DPP10: variants seen among roughly 807,000 people sequenced by gnomAD.
DPP10 encodes inactive dipeptidyl peptidase 10.
In DPP10, 33 loss-of-function variants were observed where a neutral mutation model predicts 120.9. The observed-to-expected ratio is 0.27, with a 90% CI of 0.21 to 0.37. The LOEUF (loss-of-function observed/expected upper bound fraction) is 0.37, where lower values mean the gene tolerates loss of function less well. DPP10 is among the 10% of genes least tolerant of loss of function. The pLI is 1.00. For synonymous variants in DPP10, 337 were observed against 326.1 expected (o/e 1.03, Z -0.36); for missense variants, 816 against 942.8 (o/e 0.87, Z 1.76).
chr2:114,578,675 A>C (rs1192379499), intron 1 of DPP10, among the ~76,000 whole-genome samples: 2 of 152,202 alleles, frequency 1.3e-5, no homozygotes, highest in Non-Finnish European at 2.9e-5. Context: ...ATAGAGATCA[A>C]TTATAAATTG....
intron 1 of DPP10, among the ~76,000 whole-genome samples, chr2:115,180,393 G>T (rs576784111): frequency 1.3e-5 from 2 of 151,934 alleles, no homozygotes; most frequent in Non-Finnish European, 2.9e-5. Flanking sequence ...TTACATATTC[G>T]TACCTAAAAT....
At chr2:115,690,893 C>T (rs1299590007) in intron 7 of DPP10, among the ~76,000 whole-genome samples, 3 of 152,108 alleles carry the variant, frequency 2.0e-5, no homozygotes, top group East Asian at 1.9e-4. Context: ...ATAATGAGAG[C>T]GTTCCCTTGG....
intron 4 of DPP10, among the ~76,000 whole-genome samples, chr2:115,511,443 T>A (rs1265478653): frequency 2.0e-5 from 3 of 152,068 alleles, no homozygotes; most frequent in Admixed American, 6.6e-5. Flanking sequence ...TTTAGTAATT[T>A]GAATCTTGTT....
At chr2:115,400,861 C>T (rs1027171971) in intron 3 of DPP10, among the ~76,000 whole-genome samples, 3 of 152,170 alleles carry the variant, frequency 2.0e-5, no homozygotes, top group African/African-American at 4.8e-5. Flanking sequence ...TTTGTAACAG[C>T]GGGCATTGAA....
chr2:114,551,787 C>A (rs1407820993), intron 1 of DPP10, among the ~76,000 whole-genome samples: 1 of 152,208 alleles, frequency 6.6e-6, no homozygotes, highest in Non-Finnish European at 1.5e-5. Context: ...TACCTCCCTT[C>A]TTCCCAGTTT....
intron 1 of DPP10, among the ~76,000 whole-genome samples, chr2:114,934,383 G>T (rs749773652): frequency 6.6e-6 from 1 of 152,084 alleles, no homozygotes; most frequent in Non-Finnish European, 1.5e-5. Flanking sequence ...CTAGAGAGAA[G>T]AGAAAAGAAA....
At chr2:115,079,395 T>G (rs1031737228) in intron 1 of DPP10, among the ~76,000 whole-genome samples, 2 of 91,264 alleles carry the variant, frequency 2.2e-5, no homozygotes, top group Admixed American at 1.1e-4. Context: ...AAAAAGAAAA[T>G]CCTTAAAAAA....
intron 1 of DPP10, among the ~76,000 whole-genome samples, chr2:114,689,088 T>C (rs1018188875): frequency 2.0e-5 from 3 of 151,874 alleles, no homozygotes; most frequent in Admixed American, 2.0e-4. Context: ...CAACTGTTAT[T>C]TTAAGTTCAG....
chr2:115,472,088 G>T (rs1264114767), intron 3 of DPP10, among the ~76,000 whole-genome samples: 2 of 151,852 alleles, frequency 1.3e-5, no homozygotes, highest in African/African-American at 4.8e-5. Flanking sequence ...AATTCTCCTG[G>T]CTGTGTTGTG....
At chr2:114,664,292 G>A (rs150082573) in intron 1 of DPP10, among the ~76,000 whole-genome samples, 192 of 151,852 alleles carry the variant, frequency 1.3e-3, no homozygotes, top group South Asian at 5.0e-3. Flanking sequence ...AAGCAGAAGA[G>A]TCATAACCCT....
intron 3 of DPP10, among the ~76,000 whole-genome samples, chr2:115,495,289 A>G (rs2076332250): frequency 1.5e-5 from 2 of 137,160 alleles, no homozygotes; most frequent in Non-Finnish European, 3.1e-5. Flanking sequence ...TCTTGAAGTG[A>G]GTTGTTTGAT....
intron 1 of DPP10, among the ~76,000 whole-genome samples, chr2:114,731,728 A>G (rs1676934059): frequency 6.6e-6 from 1 of 152,194 alleles, no homozygotes; most frequent in Non-Finnish European, 1.5e-5. Context: ...CAGAAGCAGT[A>G]TATTACTCAC....
intron 1 of DPP10, among the ~76,000 whole-genome samples, chr2:115,255,076 C>T (rs906158932): frequency 6.6e-6 from 1 of 152,168 alleles, no homozygotes; most frequent in African/African-American, 2.4e-5. Context: ...TCCACACTGC[C>T]GTAGGAGAGG....
intron 1 of DPP10, among the ~76,000 whole-genome samples, chr2:115,299,613 T>C (rs1392769150): frequency 6.6e-6 from 1 of 152,022 alleles, no homozygotes; most frequent in African/African-American, 2.4e-5. Context: ...TATAGACATA[T>C]ATAAGAAATA....
At chr2:114,827,971 T>TA in intron 1 of DPP10, among the ~76,000 whole-genome samples, 1 of 152,246 alleles carries the variant, frequency 6.6e-6, no homozygotes, top group Non-Finnish European at 1.5e-5. Context: ...AGAGTACACT[T>TA]ACAGTGGCTT....
chr2:114,451,852 C>T (rs1027415664), intron 1 of DPP10, among the ~76,000 whole-genome samples: 11 of 152,208 alleles, frequency 7.2e-5, no homozygotes, highest in African/African-American at 1.9e-4. Context: ...GATGGTAACA[C>T]GTTCCTGGTC....
At chr2:114,555,866 C>T (rs1010783874) in intron 1 of DPP10, among the ~76,000 whole-genome samples, 2 of 151,984 alleles carry the variant, frequency 1.3e-5, no homozygotes, top group African/African-American at 4.8e-5. Flanking sequence ...GGATAAAGCA[C>T]GTCCCAAGAA....
At chr2:115,585,365 T>A (rs1575248858) in intron 5 of DPP10, among the ~76,000 whole-genome samples, 1 of 152,296 alleles carries the variant, frequency 6.6e-6, no homozygotes, top group South Asian at 2.1e-4. Context: ...TATAATAGAA[T>A]AAAACCCATG....
At chr2:114,926,956 T>G (rs898253436) in intron 1 of DPP10, among the ~76,000 whole-genome samples, 4 of 150,830 alleles carry the variant, frequency 2.7e-5, no homozygotes, top group Non-Finnish European at 5.9e-5. Context: ...GTTCACGCCA[T>G]TCTTCTGCCT....
Sources: allele counts gnomAD v4.1 joint callset (sites outside exome capture counted in the v4.1 genomes callset), GRCh38; gene constraint gnomAD v4.1.1; transcripts MANE v1.5; gene names NCBI Gene and HGNC (gene_info 2026-07-23, HGNC 2026-07-21).